The following DISC1 variants were observed in gnomAD, a reference collection of about 807,000 sequenced individuals.
DISC1 encodes the protein disrupted in schizophrenia 1 protein.
Under a neutral mutation model 84.5 loss-of-function variants are expected in DISC1, and 57 were observed. The observed-to-expected ratio is 0.67, with a 90% CI of 0.55 to 0.84. The LOEUF (loss-of-function observed/expected upper bound fraction) is 0.84. Among genes scored for constraint, DISC1 ranks in the 40% least tolerant of loss-of-function variants. DISC1 has a pLI of 0.00. For missense variants in DISC1, 1,000 were observed against 1,057.8 expected (o/e 0.95, Z 0.76); for synonymous variants, 411 against 415.2 (o/e 0.99, Z 0.12).
chr1:231,813,977 G>A (rs530229109), intron 8 of DISC1, among the ~76,000 whole-genome samples: 1 of 152,244 alleles, frequency 6.6e-6, no homozygotes, highest in East Asian at 1.9e-4. Flanking sequence ...AGTGTTTTAA[G>A]CAGTGAGAGA....
intron 9 of DISC1, among the ~76,000 whole-genome samples, chr1:231,925,498 T>C (rs2090309933): frequency 6.6e-6 from 1 of 152,184 alleles, no homozygotes; most frequent in African/African-American, 2.4e-5. Flanking sequence ...CAAGATGACC[T>C]CAGAGCTTCC....
intron 11 of DISC1, among the ~76,000 whole-genome samples, chr1:232,021,028 T>C (rs1668907659): frequency 6.6e-6 from 1 of 152,178 alleles, no homozygotes; most frequent in East Asian, 1.9e-4. Context: ...CCGTAACATA[T>C]AAACATCACA....
chr1:231,629,430 CGA>C (rs1411967766), intron 1 of DISC1: 1 of 153,206 alleles, frequency 6.5e-6, no homozygotes, highest in Non-Finnish European at 1.5e-5. Context: ...CAGAAACTTC[CGA>C]GAGGAGCGTG....
At chr1:231,995,220 AT>A (rs1211690547) in intron 10 of DISC1, among the ~76,000 whole-genome samples, 1 of 152,004 alleles carries the variant, frequency 6.6e-6, no homozygotes, top group Non-Finnish European at 1.5e-5. Context: ...CATGAGGACT[AT>A]TCTACCTTCA....
intron 1 of DISC1, among the ~76,000 whole-genome samples, chr1:231,674,405 A>G (rs114479641): frequency 1.7e-3 from 266 of 152,368 alleles, no homozygotes; most frequent in African/African-American, 6.0e-3. Context: ...ATCCATAGCC[A>G]TTGGGATAAG....
At chr1:231,785,789 A>T (rs199792529) in intron 6 of DISC1, among the ~76,000 whole-genome samples, 10 of 152,264 alleles carry the variant, frequency 6.6e-5, no homozygotes, top group Admixed American at 2.0e-4. Flanking sequence ...GATAAAATTG[A>T]ATTTCTCATC....
At chr1:231,943,795 C>T (rs193151326) in intron 9 of DISC1, 1 of 150,760 alleles carries the variant, frequency 6.6e-6, no homozygotes, top group East Asian at 1.9e-4. Flanking sequence ...GCAATCTTGG[C>T]TCACTGCAAC....
chr1:231,631,601 A>G (rs1169510247), intron 1 of DISC1, among the ~76,000 whole-genome samples: 3 of 152,154 alleles, frequency 2.0e-5, no homozygotes, highest in East Asian at 3.9e-4. Context: ...TTAGTTTTTA[A>G]CAAAAAGTTT....
intron 3 of DISC1, among the ~76,000 whole-genome samples, chr1:231,714,554 CAG>C (rs780068080): frequency 1.1e-4 from 16 of 150,858 alleles, no homozygotes; most frequent in Non-Finnish European, 2.4e-4. Flanking sequence ...GAAACAGAGA[CAG>C]AGAGAAAGAG....
chr1:231,926,572 G>A (rs1301019016), intron 9 of DISC1, among the ~76,000 whole-genome samples: 1 of 152,160 alleles, frequency 6.6e-6, no homozygotes, highest in Non-Finnish European at 1.5e-5. Context: ...TTGGTGACTG[G>A]TCCCAGGCTG....
chr1:231,681,207 C>T (rs906406387), intron 1 of DISC1, among the ~76,000 whole-genome samples: 1 of 152,170 alleles, frequency 6.6e-6, no homozygotes, highest in African/African-American at 2.4e-5. Flanking sequence ...CTGCTTGATG[C>T]ATTTGAAGCA....
At chr1:231,680,248 A>C (rs1481922184) in intron 1 of DISC1, among the ~76,000 whole-genome samples, 2 of 152,100 alleles carry the variant, frequency 1.3e-5, no homozygotes, top group Non-Finnish European at 2.9e-5. Context: ...CAAACAAAAA[A>C]CCAAAACTTG....
At chr1:231,702,467 C>T in intron 3 of DISC1, 1 of 986,970 alleles carries the variant, frequency 1.0e-6, no homozygotes, top group Non-Finnish European at 1.2e-6. Flanking sequence ...TCTCTGACTT[C>T]ATAATTTCCA....
intron 3 of DISC1, among the ~76,000 whole-genome samples, chr1:231,713,736 CAT>C (rs1465157978): frequency 5.3e-5 from 6 of 114,256 alleles, no homozygotes; most frequent in South Asian, 2.8e-4. Flanking sequence ...GAGATATATA[CAT>C]ATATATAGGA....
At chr1:232,020,731 T>C (rs1668883314) in intron 11 of DISC1, among the ~76,000 whole-genome samples, 2 of 152,256 alleles carry the variant, frequency 1.3e-5, no homozygotes, top group African/African-American at 4.8e-5. Context: ...GTTTCTTTTA[T>C]TTTAAAAGAA....
At chr1:231,721,180 A>G (rs2069632636) in intron 3 of DISC1, 1 of 1,106,220 alleles carries the variant, frequency 9.0e-7, no homozygotes, top group Non-Finnish European at 1.2e-6. Flanking sequence ...AATAATACAT[A>G]TAAAAACTGT....
intron 10 of DISC1, among the ~76,000 whole-genome samples, chr1:231,978,495 C>T (rs193150057): frequency 3.2e-4 from 49 of 152,304 alleles, no homozygotes; most frequent in African/African-American, 1.2e-3. Context: ...ATGTCTAATT[C>T]TTTCTCCTAA....
In DISC1 at chr1:231,886,388, A is replaced by G. The variant is rs114524101; in HGVS notation, c.1981+67871A>G. ...GTGGATATAAATTCCAGGTGAGGTT[A>G]GTTGTTAAGGAAAGAATTTCCATGA... On this transcript the variant is annotated intron_variant, in intron 9 of 12. Transcript: ENST00000439617. 3.1e-3 allele frequency among the ~76,000 whole-genome samples: 465 copies of G among 152,324 alleles called. 3 individuals carry two copies. The highest frequency in any genetic ancestry group is 0.011 in the African/African-American group (453 of 41,570).
Position 232,026,443 on chromosome 1 carries a change from C to T in DISC1, c.2316C>T (p.Tyr772=), listed in dbSNP as rs1310845497. ...CAGGEQKEES[Y]ILSAELGEKC... is the part of the protein sequence containing the mutation. Reference sequence around the variant, plus strand: ...TTTCCCCCTCTCGCCAGGAATCTTACATCCTTTCTGCAGAACTTGGAGAAA... The same window carrying T: ...TTTCCCCCTCTCGCCAGGAATCTTATATCCTTTCTGCAGAACTTGGAGAAA... The change falls in exon 12 of 13, where the codon TAC becomes TAT. Residue 772 remains tyrosine, a synonymous_variant. Transcript: ENST00000439617. 1 of 1,601,356 alleles carries T rather than the reference C, an allele frequency of 6.2e-7. No homozygotes were observed. The highest frequency in any genetic ancestry group is 1.1e-5 in the South Asian group (1 of 88,318).
Sources: allele counts gnomAD v4.1 joint callset (sites outside exome capture counted in the v4.1 genomes callset), GRCh38; gene constraint gnomAD v4.1.1; transcripts MANE v1.5; gene names NCBI Gene and HGNC (gene_info 2026-07-23, HGNC 2026-07-21).